The following RTL9 variants were observed in gnomAD, a reference collection of about 807,000 sequenced individuals.
The protein encoded by RTL9 is retrotransposon Gag like 9.
A neutral mutation model predicts 44.7 loss-of-function variants in RTL9; 19 were observed. The observed-to-expected ratio is 0.42, with a 90% CI of 0.30 to 0.62. RTL9 has a LOEUF of 0.62. RTL9 is among the 20% of genes least tolerant of loss of function. The pLI, the probability that RTL9 is intolerant of heterozygous loss-of-function variation, is 0.16. For synonymous variants in RTL9, 407 were observed against 398.9 expected, an observed-to-expected ratio of 1.02 and a Z score of -0.24; for missense variants, 1,105 against 1,080.6, an observed-to-expected ratio of 1.02 and a Z score of -0.32.
chrX:110,433,102 C>G (rs1024096874), intron 1 of RTL9, among the ~76,000 whole-genome samples: 1 of 112,436 alleles, frequency 8.9e-6, no homozygotes, highest in African/African-American at 3.2e-5. Context: ...CTCGTGAGAA[C>G]CTGTCAGCTG....
exon 1 of RTL9, chrX:110,453,995 A>G (rs2068964649): frequency 8.3e-7 from 1 of 1,210,175 alleles, no homozygotes; most frequent in Non-Finnish European, 1.1e-6. Context: ...TGACTGCCAC[A>G]ACTCCTGAAA....
intron 1 of RTL9, among the ~76,000 whole-genome samples, chrX:110,412,471 G>T (rs969408560): frequency 1.8e-5 from 2 of 112,175 alleles, no homozygotes; most frequent in Non-Finnish European, 3.8e-5. Flanking sequence ...GCCTAGGTTT[G>T]ACTTCCTCCT....
chrX:110,366,288 T>C (rs1441716265), intron 1 of RTL9, among the ~76,000 whole-genome samples: 1 of 112,017 alleles, frequency 8.9e-6, no homozygotes, highest in Non-Finnish European at 1.9e-5. Context: ...AACCACTGGA[T>C]TAGTCAAATG....
intron 1 of RTL9, among the ~76,000 whole-genome samples, chrX:110,441,904 A>G (rs1242465356): frequency 1.8e-5 from 2 of 111,864 alleles, no homozygotes; most frequent in Non-Finnish European, 3.8e-5. Context: ...GGTAAGCAGT[A>G]TTATTATTAT....
intron 1 of RTL9, among the ~76,000 whole-genome samples, chrX:110,378,103 T>G (rs1157626422): frequency 9.0e-6 from 1 of 110,991 alleles, no homozygotes; most frequent in Non-Finnish European, 1.9e-5. Context: ...CTTGTGGACA[T>G]TCATTTTGAT....
At chrX:110,370,786 A>T (rs2068332987) in intron 1 of RTL9, among the ~76,000 whole-genome samples, 1 of 112,230 alleles carries the variant, frequency 8.9e-6, no homozygotes, top group African/African-American at 3.2e-5. Context: ...TTCACATTCA[A>T]ACTCACATAT....
chrX:110,453,665 A>C (rs1346694160), exon 1 of RTL9: 1 of 1,210,526 alleles, frequency 8.3e-7, no homozygotes, highest in Middle Eastern at 2.3e-4. Flanking sequence ...GGATGGCCAC[A>C]GCGCCAATTA....
intron 1 of RTL9, among the ~76,000 whole-genome samples, chrX:110,369,478 C>T (rs2068322591): frequency 9.0e-6 from 1 of 111,415 alleles, no homozygotes; most frequent in Admixed American, 9.5e-5. Context: ...TATATTCTAC[C>T]ACTCCCACTG....
At chrX:110,432,953 C>T (rs987605037) in intron 1 of RTL9, among the ~76,000 whole-genome samples, 2 of 112,732 alleles carry the variant, frequency 1.8e-5, no homozygotes, top group African/African-American at 6.5e-5. Flanking sequence ...GAGAGATTTG[C>T]ACAGGCTAAC....
At chrX:110,402,488 G>C (rs1417914348) in intron 1 of RTL9, among the ~76,000 whole-genome samples, 1 of 112,953 alleles carries the variant, frequency 8.9e-6, no homozygotes, top group Non-Finnish European at 1.9e-5. Context: ...GAAGAGGAAG[G>C]CTGTGCTAGC....
upstream of RTL9, among the ~76,000 whole-genome samples, chrX:110,447,046 GGT>G (rs1348356908): frequency 9.5e-6 from 1 of 105,552 alleles, no homozygotes; most frequent in Non-Finnish European, 1.9e-5. Flanking sequence ...TTAATTGTTA[GGT>G]GTGTTAATAA....
chrX:110,381,412 C>T (rs772144455), intron 1 of RTL9, among the ~76,000 whole-genome samples: 6 of 111,650 alleles, frequency 5.4e-5, no homozygotes, highest in African/African-American at 1.3e-4. Flanking sequence ...ATTATTAAAA[C>T]GTCAAAAACA....
chrX:110,443,482 T>C (rs181850855), intron 1 of RTL9, among the ~76,000 whole-genome samples: 2 of 112,461 alleles, frequency 1.8e-5, no homozygotes, highest in African/African-American at 3.2e-5. Context: ...TGGCAAGTAC[T>C]GTGTACTGTG....
intron 1 of RTL9, among the ~76,000 whole-genome samples, chrX:110,368,643 T>C (rs1372275404): frequency 3.6e-5 from 4 of 112,137 alleles, no homozygotes; most frequent in African/African-American, 1.3e-4. Context: ...TTAATTTTTT[T>C]CCATAGTACT....
chrX:110,375,659 A>T (rs1011976287), intron 1 of RTL9, among the ~76,000 whole-genome samples: 1 of 112,249 alleles, frequency 8.9e-6, no homozygotes, highest in Non-Finnish European at 1.9e-5. Flanking sequence ...ACATGAACTT[A>T]AAACACTGAG....
chrX:110,417,903 T>A (rs186493960), upstream of RTL9, among the ~76,000 whole-genome samples: 1 of 112,533 alleles, frequency 8.9e-6, no homozygotes, highest in East Asian at 2.8e-4. Flanking sequence ...TGAAACCAGG[T>A]CATTCCAGTC....
chrX:110,366,523 A>T (rs2068298274), intron 1 of RTL9, among the ~76,000 whole-genome samples: 1 of 111,721 alleles, frequency 9.0e-6, no homozygotes, highest in African/African-American at 3.3e-5. Flanking sequence ...CTTACATGAT[A>T]AAAGTTAAGA....
intron 1 of RTL9, among the ~76,000 whole-genome samples, chrX:110,384,075 G>A (rs772710505): frequency 7.2e-5 from 8 of 111,508 alleles, no homozygotes; most frequent in Non-Finnish European, 1.5e-4. Context: ...TATTGTTATC[G>A]TATATATAAC....
intron 1 of RTL9, among the ~76,000 whole-genome samples, chrX:110,371,775 T>C (rs1172752984): frequency 9.0e-6 from 1 of 111,619 alleles, no homozygotes; most frequent in African/African-American, 3.3e-5. Flanking sequence ...TCTAAAGCTA[T>C]GGCTACTCTG....
Sources: allele counts gnomAD v4.1 joint callset (sites outside exome capture counted in the v4.1 genomes callset), GRCh38; gene constraint gnomAD v4.1.1; transcripts MANE v1.5; gene names NCBI Gene and HGNC (gene_info 2026-07-23, HGNC 2026-07-21).